Variants in SKAP1 observed in about 807,000 individuals in gnomAD.
SKAP1 encodes the protein src kinase-associated phosphoprotein 1.
SKAP1 carries 44 observed loss-of-function variants against 58.5 expected under a neutral mutation model. That is an observed-to-expected ratio of 0.75 (90% confidence interval 0.59 to 0.97). SKAP1 has a LOEUF of 0.97. SKAP1 is among the 50% of genes least tolerant of loss of function. The probability of loss-of-function intolerance (pLI) is 0.00; values close to 1 mark genes in which losing one functional copy is unlikely to be tolerated. For missense variants in SKAP1, 390 were observed against 435.2 expected, an observed-to-expected ratio of 0.90 and a Z score of 0.92; for synonymous variants, 127 against 149.7, an observed-to-expected ratio of 0.85 and a Z score of 1.11.
intron 11 of SKAP1, among the ~76,000 whole-genome samples, chr17:48,158,661 C>T (rs953691530): frequency 6.7e-6 from 1 of 150,150 alleles, no homozygotes; most frequent in African/African-American, 2.4e-5. Flanking sequence ...GCTTGGGTGA[C>T]TATTAAGAAA....
At chr17:48,147,487 A>G (rs974651323) in intron 11 of SKAP1, among the ~76,000 whole-genome samples, 1 of 152,210 alleles carries the variant, frequency 6.6e-6, no homozygotes, top group African/African-American at 2.4e-5. Flanking sequence ...CCTATGAAAT[A>G]AATTAAGGGC....
intron 4 of SKAP1, among the ~76,000 whole-genome samples, chr17:48,216,709 C>T (rs2064944158): frequency 6.6e-6 from 1 of 152,054 alleles, no homozygotes; most frequent in Non-Finnish European, 1.5e-5. Flanking sequence ...CTAGGCTAGT[C>T]TCGAACTCCT....
chr17:48,143,259 A>G (rs2063790872), intron 11 of SKAP1, among the ~76,000 whole-genome samples: 1 of 139,360 alleles, frequency 7.2e-6, no homozygotes, highest in Non-Finnish European at 1.5e-5. Flanking sequence ...CAGTGGCATG[A>G]TCTCGGCTCA....
At chr17:48,314,927 C>T (rs1323692479) in intron 4 of SKAP1, among the ~76,000 whole-genome samples, 1 of 152,124 alleles carries the variant, frequency 6.6e-6, no homozygotes, top group African/African-American at 2.4e-5. Flanking sequence ...ATTATAAAAA[C>T]ATTGTTTCTA....
At chr17:48,383,407 C>T (rs781371551) in intron 2 of SKAP1, among the ~76,000 whole-genome samples, 2 of 151,952 alleles carry the variant, frequency 1.3e-5, no homozygotes, top group Admixed American at 6.6e-5. Context: ...GTCAGTGATA[C>T]CTCATCTAAT....
chr17:48,206,552 TA>T (rs1261438896), intron 4 of SKAP1, among the ~76,000 whole-genome samples: 1 of 152,140 alleles, frequency 6.6e-6, no homozygotes, highest in Non-Finnish European at 1.5e-5. Context: ...ATTGATTAAC[TA>T]AAAATTATGA....
In SKAP1 at chr17:48,362,617, C is replaced by T. The variant is rs114632028; in HGVS notation, c.178+1172G>A. 2.7e-3 allele frequency among the ~76,000 whole-genome samples: 406 copies of T among 152,334 alleles called. 2 individuals are homozygous for T. Among genetic ancestry groups the T allele is most frequent in the African/African-American group, 9.1e-3 (378 of 41,586 alleles). On this transcript the variant is annotated intron_variant, in intron 3 of 12. Transcript: ENST00000336915. ...TGAGATATGTAGTAACAGCACATCA[C>T]ATTACGTAAAATAGTGTAAGTGCTC...
At chr17:48,142,574 A>G (rs2063781679) in intron 11 of SKAP1, among the ~76,000 whole-genome samples, 1 of 152,214 alleles carries the variant, frequency 6.6e-6, no homozygotes, top group South Asian at 2.1e-4. Context: ...TTTAGTTACA[A>G]CTAACTCCAA....
chr17:48,144,965 A>G (rs145321878), intron 11 of SKAP1, among the ~76,000 whole-genome samples: 53 of 152,308 alleles, frequency 3.5e-4, no homozygotes, highest in Admixed American at 9.1e-4. Context: ...ATAACTCTAC[A>G]TATATTCTCA....
chr17:48,389,895 A>G (rs890564394), intron 2 of SKAP1, among the ~76,000 whole-genome samples: 19 of 152,372 alleles, frequency 1.2e-4, no homozygotes, highest in African/African-American at 4.3e-4. Context: ...GGGGTACCAT[A>G]AAAGAAATCA....
chr17:48,326,490 G>C (rs1172201732), intron 4 of SKAP1, among the ~76,000 whole-genome samples: 1 of 152,168 alleles, frequency 6.6e-6, no homozygotes, highest in Non-Finnish European at 1.5e-5. Context: ...TCTGTCATTG[G>C]AACACTTTTT....
intron 3 of SKAP1, among the ~76,000 whole-genome samples, chr17:48,351,535 A>G (rs2144350224): frequency 6.6e-6 from 1 of 152,232 alleles, no homozygotes; most frequent in East Asian, 1.9e-4. Flanking sequence ...AATGTCATTA[A>G]GTCTACAGAA....
At chr17:48,396,533 C>G in intron 2 of SKAP1, 147 bp downstream of exon 2, 1 of 482,888 alleles carries the variant, frequency 2.1e-6, no homozygotes, top group Non-Finnish European at 3.7e-6. Context: ...GCTTGCCTGC[C>G]TCCAGTTCAA....
chr17:48,207,842 GATCAA>G (rs924028287), intron 4 of SKAP1, among the ~76,000 whole-genome samples: 11 of 152,188 alleles, frequency 7.2e-5, no homozygotes, highest in African/African-American at 2.4e-4. Context: ...AGTACCTGTA[GATCAA>G]ATCAAATCAA....
At chr17:48,215,671 C>G (rs79371618) in intron 4 of SKAP1, among the ~76,000 whole-genome samples, 1 of 150,970 alleles carries the variant, frequency 6.6e-6, no homozygotes, top group Non-Finnish European at 1.5e-5. Context: ...TTTTTTTTTT[C>G]CTGCTGTTGG....
chr17:48,398,662 A>G (rs2067453201), intron 1 of SKAP1, among the ~76,000 whole-genome samples: 1 of 152,090 alleles, frequency 6.6e-6, no homozygotes, highest in African/African-American at 2.4e-5. Context: ...ACACCTAAAA[A>G]TTTGTTTTAT....
intron 3 of SKAP1, among the ~76,000 whole-genome samples, chr17:48,358,124 G>T (rs952236057): frequency 6.6e-6 from 1 of 151,700 alleles, no homozygotes; most frequent in Non-Finnish European, 1.5e-5. Flanking sequence ...AATAGTGGTG[G>T]AAAGATACTT....
chr17:48,316,298 C>T (rs1261542037), intron 4 of SKAP1, among the ~76,000 whole-genome samples: 2 of 152,180 alleles, frequency 1.3e-5, no homozygotes, highest in African/African-American at 4.8e-5. Flanking sequence ...GCTCTAGCCA[C>T]ATAAGTTTCT....
At chr17:48,254,739 T>C (rs2065404355) in intron 4 of SKAP1, among the ~76,000 whole-genome samples, 1 of 151,488 alleles carries the variant, frequency 6.6e-6, no homozygotes, top group South Asian at 2.1e-4. Context: ...TTAAACATAC[T>C]ATTATTCCTG....
Sources: gnomAD v4.1 joint callset for allele counts (sites outside exome capture counted in the v4.1 genomes callset) on GRCh38, gnomAD v4.1.1 for gene constraint, MANE v1.5 for transcripts, NCBI Gene and HGNC (gene_info 2026-07-23, HGNC 2026-07-21) for gene names.